IGSF9B: variants seen among roughly 807,000 people sequenced by gnomAD.
The protein encoded by IGSF9B is protein turtle homolog B.
IGSF9B carries 48 observed loss-of-function variants against 143.7 expected under a neutral mutation model. The observed-to-expected ratio is 0.33, with a 90% CI of 0.26 to 0.42. The LOEUF is 0.42. Among genes scored for constraint, IGSF9B ranks in the 20% least tolerant of loss-of-function variants. The pLI is 1.00. For missense variants in IGSF9B, 1,706 were observed against 1,980.0 expected, an observed-to-expected ratio of 0.86 and a Z score of 2.63; for synonymous variants, 903 against 833.1, an observed-to-expected ratio of 1.08 and a Z score of -1.44.
intron 1 of IGSF9B, chr11:133,951,996 C>T (rs771266642): frequency 6.2e-5 from 28 of 452,450 alleles, no homozygotes; most frequent in South Asian, 4.0e-4. Flanking sequence ...GCACACACGA[C>T]CAGGAGGGAG....
intron 1 of IGSF9B, chr11:133,952,188 A>T: frequency 2.5e-6 from 1 of 399,786 alleles, no homozygotes; most frequent in Admixed American, 2.6e-5. Flanking sequence ...GATTCCCAAG[A>T]AAAATAGGTC....
chr11:133,930,840 A>T, intron 11 of IGSF9B, 144 bp downstream of exon 11: 1 of 791,640 alleles, frequency 1.3e-6, no homozygotes, highest in Non-Finnish European at 1.9e-6. Flanking sequence ...CCGGTGCTGG[A>T]CGCGGAGTTC....
At position 133,920,090 on chromosome 11, in the gene IGSF9B, C is replaced by T. The variant is rs749614349; in HGVS notation, c.3635G>A (p.Arg1212His). 3.9e-6 allele frequency: 6 copies of T among 1,524,272 alleles called. No individual in the cohort carries two copies. Among genetic ancestry groups the T allele is most frequent in the Non-Finnish European group, 4.4e-6 (5 of 1,136,762 alleles). 94.4% of individuals were successfully genotyped at this position (1,524,272 alleles called of 1,614,324 possible). A position where few individuals can be genotyped will look rare whatever the true frequency, so the allele number is the denominator to read the frequency against. The part of the protein sequence containing the change: ...SPLTQSPLSS[R>H]TGSPELAARA... Reference sequence around the variant, plus strand: ...GGCGGCGAGCTCAGGGGAGCCGGTGCGGGAGCTGAGGGGGCTTTGGGTCAG... The same window carrying T: ...GGCGGCGAGCTCAGGGGAGCCGGTGTGGGAGCTGAGGGGGCTTTGGGTCAG... Residue 1212 changes from arginine (R) to histidine (H), a missense_variant, in exon 18 of 20, where the codon CGC becomes CAC. Around this residue, in one of 7 missense-constraint regions of IGSF9B, gnomAD observed 880 missense variants for 762.9 expected, o/e 1.15. Coordinates refer to ENST00000533871, the MANE Select transcript of IGSF9B (RefSeq NM_001277285.4).
rs747664339 is a variant in IGSF9B, at chr11:133,902,448, G to GACACACCACACACACACACACCACAC, written c.*6620_*6621insGTGTGGTGTGTGTGTGTGTGGTGTGT. On this transcript the variant is annotated 3_prime_UTR_variant, in exon 20 of 20. Coordinates refer to ENST00000533871, the MANE Select transcript of IGSF9B (RefSeq NM_001277285.4). ...CACACCACACCACACACACCACCCA[G>GACACACCACACACACACACACCACAC]ACACACCACACACAGATACACACAC... Among the ~76,000 whole-genome samples, 43 of 127,448 alleles carry GACACACCACACACACACACACCACAC rather than the reference G, an allele frequency of 3.4e-4. No homozygotes were observed. Among genetic ancestry groups the GACACACCACACACACACACACCACAC allele is most frequent in the Non-Finnish European group, 5.2e-4 (32 of 61,262 alleles). 83.6% of individuals were successfully genotyped at this position (127,448 alleles called of 152,430 possible). A position where few individuals can be genotyped will look rare whatever the true frequency, so the allele number is the denominator to read the frequency against.
intron 1 of IGSF9B, among the ~76,000 whole-genome samples, chr11:133,950,566 G>A (rs567600214): frequency 6.6e-6 from 1 of 152,208 alleles, no homozygotes; most frequent in Non-Finnish European, 1.5e-5. Context: ...CAACCCAGGC[G>A]CCGGGATCAA....
At chr11:133,950,750 C>G (rs534784202) in intron 1 of IGSF9B, among the ~76,000 whole-genome samples, 196 of 152,314 alleles carry the variant, frequency 1.3e-3, no homozygotes, top group Non-Finnish European at 2.2e-3. Context: ...CTCTGAGGAG[C>G]CTGGCCTTCT....
chr11:133,945,239 T>C lies in IGSF9B; in HGVS notation c.262+822A>G, dbSNP rs1183077304. Among the ~76,000 whole-genome samples the C allele has an allele frequency of 2.0e-5, 3 of 152,126 alleles. No individual in the cohort carries two copies. Among genetic ancestry groups the C allele is most frequent in the Non-Finnish European group, 4.4e-5 (3 of 68,014 alleles). ...CACCACACCTCTGCTCTCCTCCTCG[T>C]CCTGATGCTGGCAATCTGCCTAAAA... On this transcript the variant is annotated intron_variant, in intron 2 of 19. Transcript: ENST00000533871. This position sits in a 1 kb window ranked among gnomAD's most constrained non-coding sequence, Gnocchi z 4.6.
intron 1 of IGSF9B, among the ~76,000 whole-genome samples, chr11:133,952,875 C>T (rs1027287077): frequency 1.3e-5 from 2 of 152,200 alleles, no homozygotes; most frequent in Admixed American, 6.5e-5. Context: ...CAGATCCACT[C>T]TTCACACAAG....
At chr11:133,912,101 A>G in intron 18 of IGSF9B, 94 bp from the exon 19 acceptor site, 1 of 1,415,436 alleles carries the variant, frequency 7.1e-7, no homozygotes, top group Non-Finnish European at 9.4e-7. Flanking sequence ...TGACCCACAG[A>G]AGGACAGAGT....
intron 18 of IGSF9B, chr11:133,918,953 G>A (rs969847603): frequency 6.4e-6 from 3 of 467,268 alleles, no homozygotes; most frequent in Admixed American, 2.3e-5. Context: ...GGCAGGGGGA[G>A]GAGGAGCGGG....
intron 7 of IGSF9B, 22 bp from the exon 8 acceptor site, chr11:133,932,235 G>C (rs1389782023): frequency 6.5e-7 from 1 of 1,544,372 alleles, no homozygotes; most frequent in African/African-American, 1.4e-5. Flanking sequence ...AAGCGCAGGT[G>C]AGAGAGCAGA....
chr11:133,929,615 G>A lies in IGSF9B; in HGVS notation c.1631+56C>T, dbSNP rs867381865. 100 of 1,305,364 alleles carry A rather than the reference G, an allele frequency of 7.7e-5. No individual in the cohort carries two copies. In the Middle Eastern group the frequency reaches 9.2e-4, roughly 12 times the overall value. The allele number at this position is 1,305,364 out of a possible 1,614,324, so 80.9% of individuals were successfully genotyped here. A position where few individuals can be genotyped will look rare whatever the true frequency, so the allele number is the denominator to read the frequency against. Reference sequence around the variant, plus strand: ...ACCCGGGGTAGCCTGCAGGAAGACCGGGGAGGGGAGAAGCAGAGAGCAAAG... The same window carrying A: ...ACCCGGGGTAGCCTGCAGGAAGACCAGGGAGGGGAGAAGCAGAGAGCAAAG... On this transcript the variant is annotated intron_variant, in intron 12 of 19. Transcript: ENST00000533871.
chr11:133,915,268 CTT>C lies in IGSF9B; in HGVS notation c.3984-3263_3984-3262del, dbSNP rs33964936. On this transcript the variant is annotated intron_variant, in intron 18 of 19. Coordinates refer to ENST00000533871, the MANE Select transcript of IGSF9B (RefSeq NM_001277285.4). Reference sequence around the variant, plus strand: ...GCCTGGAACTTACTTCTCTCTCTCTCTTTTTTTTTTTTTTTTTTTTTTGAGAC... The same window carrying C: ...GCCTGGAACTTACTTCTCTCTCTCTCTTTTTTTTTTTTTTTTTTTTGAGAC... Among the ~76,000 whole-genome samples, 3 of 86,724 alleles carry C rather than the reference CTT, an allele frequency of 3.5e-5. No individual in the cohort carries two copies. In the South Asian group the frequency reaches 1.2e-3, roughly 35 times the overall value. 56.9% of individuals were successfully genotyped at this position (86,724 alleles called of 152,430 possible). A position where few individuals can be genotyped will look rare whatever the true frequency, so the allele number is the denominator to read the frequency against.
intron 15 of IGSF9B, among the ~76,000 whole-genome samples, chr11:133,923,549 TCGG>T (rs1244049074): frequency 6.6e-6 from 1 of 152,198 alleles, no homozygotes; most frequent in Non-Finnish European, 1.5e-5. Flanking sequence ...GAAAGTTGTG[TCGG>T]TAAGTGCCAC....
rs1057372059 is a variant in IGSF9B at position 133,909,511 on chromosome 11, G to A, written c.4106-234C>T. Among the ~76,000 whole-genome samples, 1 of 152,158 alleles carries A rather than the reference G, an allele frequency of 6.6e-6. No individual in the cohort carries two copies. Among genetic ancestry groups the A allele is most frequent in the Non-Finnish European group, 1.5e-5 (1 of 68,032 alleles). On this transcript the variant is annotated intron_variant, in intron 19 of 19. Coordinates refer to ENST00000533871, the MANE Select transcript of IGSF9B (RefSeq NM_001277285.4). This position sits in a 1 kb window ranked among gnomAD's most constrained non-coding sequence, Gnocchi z 4.2. ...CACTTGAATAAGAGTTAAGAAAGTG[G>A]AATGGAGAGGATTTTCCTTCTCATT...
In IGSF9B at chr11:133,924,851, C is replaced by A; in HGVS notation, c.2088G>T (p.Glu696Asp). The A allele has an allele frequency of 6.2e-7, 1 of 1,613,812 alleles. No individual in the cohort carries two copies. ...VLAVMQDLIS[E>D]PSNIAGVSST... ...TGGAGACGCCGGCGATGTTGCTGGGCTCGCTGATCAGATCCTGCATGACGG... is the reference window on the plus strand; with the variant it reads ...TGGAGACGCCGGCGATGTTGCTGGGATCGCTGATCAGATCCTGCATGACGG... The change falls in exon 15 of 20, where the codon GAG becomes GAT. Residue 696 changes from glutamate (E) to aspartate (D), a missense_variant. By Grantham distance (45) the Glu-to-Asp change is conservative. This residue lies in a region of IGSF9B where 267 missense variants were observed against 321.1 expected (regional missense o/e 0.83). Transcript: ENST00000533871.
At position 133,931,988 on chromosome 11, in the gene IGSF9B, G is replaced by A; in HGVS notation, c.1110+83C>T. ...GCTTTTGGAAGGGGCCAGGAGTCCT[G>A]GCAGAAATCCAGAGCCCAGAGGTGG... On this transcript the variant is annotated intron_variant, in intron 8 of 19. Coordinates refer to ENST00000533871, the MANE Select transcript of IGSF9B (RefSeq NM_001277285.4). This position sits in a 1 kb window ranked among gnomAD's most constrained non-coding sequence, Gnocchi z 7.7. The A allele has an allele frequency of 6.5e-7, 1 of 1,536,892 alleles. No individual in the cohort carries two copies. Among genetic ancestry groups the A allele is most frequent in the Non-Finnish European group, 8.8e-7 (1 of 1,138,358 alleles).
At chr11:133,929,553 G>T in intron 12 of IGSF9B, 118 bp downstream of exon 12, 2 of 700,572 alleles carry the variant, frequency 2.9e-6, no homozygotes. Context: ...TGCAGGGCTG[G>T]CAGGCCAGGA....
Position 133,931,214 on chromosome 11 carries a change from G to T in IGSF9B, c.1369-80C>A. 1 of 1,440,994 alleles carries T rather than the reference G, an allele frequency of 6.9e-7. No homozygotes were observed. 89.3% of individuals were successfully genotyped at this position (1,440,994 alleles called of 1,614,324 possible). ...GAAGCCCGAAGCAGATGGGGAGGAC[G>T]CGCCTGAGACCCCGGCCCGCCCACG... On this transcript the variant is annotated intron_variant, in intron 10 of 19. Coordinates refer to ENST00000533871, the MANE Select transcript of IGSF9B (RefSeq NM_001277285.4). This position sits in a 1 kb window ranked among gnomAD's most constrained non-coding sequence, Gnocchi z 7.7.
Sources: allele counts gnomAD v4.1 joint callset (sites outside exome capture counted in the v4.1 genomes callset), GRCh38; gene constraint gnomAD v4.1.1; regional missense constraint gnomAD v4.1.1; non-coding constraint Gnocchi (gnomAD v3.1); transcripts MANE v1.5; gene names NCBI Gene and HGNC (gene_info 2026-07-23, HGNC 2026-07-21).